The following ADGRL2 variants were observed in gnomAD, a reference collection of about 807,000 sequenced individuals.
ADGRL2 encodes the protein adhesion G protein-coupled receptor L2.
In ADGRL2, 44 loss-of-function variants were observed where a neutral mutation model predicts 157.4. The observed-to-expected ratio is 0.28, with a 90% CI of 0.22 to 0.36. The LOEUF is 0.36. Ranked by LOEUF, ADGRL2 falls within the 10% of genes least tolerant of loss-of-function variation. ADGRL2 has a pLI of 1.00. For synonymous variants in ADGRL2, 585 were observed against 624.7 expected, an observed-to-expected ratio of 0.94 and a Z score of 0.95; for missense variants, 1,510 against 1,768.9, an observed-to-expected ratio of 0.85 and a Z score of 2.63.
At chr1:81,847,796 T>G (rs910326012) in intron 2 of ADGRL2, among the ~76,000 whole-genome samples, 2 of 151,932 alleles carry the variant, frequency 1.3e-5, no homozygotes, top group African/African-American at 4.8e-5. Context: ...GTTTTATTAT[T>G]TAAAGTAACA....
At chr1:81,772,481 C>A (rs571499994) in intron 2 of ADGRL2, among the ~76,000 whole-genome samples, 1 of 152,024 alleles carries the variant, frequency 6.6e-6, no homozygotes, top group Non-Finnish European at 1.5e-5. Flanking sequence ...GTAATCCCAG[C>A]ACTGTGGGAG....
Position 81,993,349 on chromosome 1 carries a change from TA to T in ADGRL2, c.*2208del, listed in dbSNP as rs1664933440. Among the ~76,000 whole-genome samples, 1 of 151,842 alleles carries T rather than the reference TA, an allele frequency of 6.6e-6. No homozygotes were observed. Among genetic ancestry groups the T allele is most frequent in the Non-Finnish European group, 1.5e-5 (1 of 67,970 alleles). On this transcript the variant is annotated 3_prime_UTR_variant, in exon 24 of 24. Coordinates refer to ENST00000686636, the MANE Select transcript of ADGRL2 (RefSeq NM_001366006.2). Reference sequence around the variant, plus strand: ...TGTTATACTTTTTATTTTAAATGCCTAAAACCATACAGTATTGTGTGATGTG... The same window carrying T: ...TGTTATACTTTTTATTTTAAATGCCTAAACCATACAGTATTGTGTGATGTG...
At chr1:81,352,807 G>C (rs1209337765) in intron 1 of ADGRL2, among the ~76,000 whole-genome samples, 1 of 152,114 alleles carries the variant, frequency 6.6e-6, no homozygotes, top group Non-Finnish European at 1.5e-5. Context: ...AGTAGCAATG[G>C]AATCAAAGGG....
chr1:81,912,005 G>A (rs1348204767), intron 3 of ADGRL2, among the ~76,000 whole-genome samples: 2 of 151,558 alleles, frequency 1.3e-5, no homozygotes, highest in African/African-American at 2.4e-5. Context: ...CTTAAGCACA[G>A]TTAAAGGTAG....
intron 2 of ADGRL2, among the ~76,000 whole-genome samples, chr1:81,497,358 AT>A: frequency 6.6e-6 from 1 of 152,068 alleles, no homozygotes; most frequent in Admixed American, 6.5e-5. Context: ...ACTTCTTAAT[AT>A]GAAGACTAAT....
chr1:81,687,186 T>C (rs1031674483), intron 3 of ADGRL2, among the ~76,000 whole-genome samples: 1 of 152,198 alleles, frequency 6.6e-6, no homozygotes, highest in Non-Finnish European at 1.5e-5. Flanking sequence ...ATCCATTGTT[T>C]GTTGACTTTC....
At chr1:81,641,621 C>T (rs2082220496) in intron 3 of ADGRL2, among the ~76,000 whole-genome samples, 1 of 152,106 alleles carries the variant, frequency 6.6e-6, no homozygotes, top group Admixed American at 6.5e-5. Flanking sequence ...TTTAAAAATA[C>T]TTGAAACTAA....
At chr1:81,622,695 C>T (rs541447364) in intron 3 of ADGRL2, among the ~76,000 whole-genome samples, 1 of 152,254 alleles carries the variant, frequency 6.6e-6, no homozygotes, top group East Asian at 1.9e-4. Context: ...TTTGAGGTTA[C>T]AGTGAGCTAT....
At chr1:81,409,341 T>C (rs1459657250) in intron 1 of ADGRL2, among the ~76,000 whole-genome samples, 1 of 152,220 alleles carries the variant, frequency 6.6e-6, no homozygotes, top group African/African-American at 2.4e-5. Flanking sequence ...GTTGAATAAA[T>C]GGTTTTAAAC....
At chr1:81,815,517 G>T (rs1364684045) in intron 1 of ADGRL2, among the ~76,000 whole-genome samples, 1 of 151,734 alleles carries the variant, frequency 6.6e-6, no homozygotes, top group Non-Finnish European at 1.5e-5. Flanking sequence ...AGGTATTCAA[G>T]AATACATTCC....
chr1:81,708,538 A>G (rs1325668697), intron 1 of ADGRL2, among the ~76,000 whole-genome samples: 3 of 152,120 alleles, frequency 2.0e-5, no homozygotes, highest in Non-Finnish European at 4.4e-5. Context: ...ACATATAATG[A>G]TGTAGGCATA....
intron 1 of ADGRL2, among the ~76,000 whole-genome samples, chr1:81,833,761 T>C (rs1032953334): frequency 2.0e-5 from 3 of 152,212 alleles, no homozygotes; most frequent in Non-Finnish European, 4.4e-5. Context: ...CAGCTGACTG[T>C]ACATTGCACG....
chr1:81,690,314 G>A (rs908730479), intron 3 of ADGRL2, among the ~76,000 whole-genome samples: 2 of 152,202 alleles, frequency 1.3e-5, no homozygotes, highest in East Asian at 1.9e-4. Flanking sequence ...CCAACATGGC[G>A]AAACCCCATC....
At chr1:81,955,785 G>C (rs928199308) in intron 10 of ADGRL2, 92 bp from the exon 11 acceptor site, 1 of 741,326 alleles carries the variant, frequency 1.3e-6, no homozygotes, top group Non-Finnish European at 2.2e-6. Context: ...CATCATGACA[G>C]ATAAATATTA....
intron 2 of ADGRL2, among the ~76,000 whole-genome samples, chr1:81,494,829 G>A (rs1483798962): frequency 6.6e-6 from 1 of 152,072 alleles, no homozygotes; most frequent in African/African-American, 2.4e-5. Context: ...TAATAAAGAA[G>A]TATTCAGAGC....
intron 1 of ADGRL2, chr1:81,427,584 A>G (rs1570938933): frequency 8.2e-6 from 6 of 732,080 alleles, no homozygotes; most frequent in East Asian, 5.0e-5. Context: ...GGTGATGGAC[A>G]TGGTGGATAT....
intron 2 of ADGRL2, among the ~76,000 whole-genome samples, chr1:81,549,992 T>C (rs1362069315): frequency 6.6e-6 from 1 of 152,166 alleles, no homozygotes; most frequent in South Asian, 2.1e-4. Context: ...ATTTGATAAA[T>C]GAGCCCTTGA....
chr1:81,378,567 A>T (rs953146056), intron 1 of ADGRL2, among the ~76,000 whole-genome samples: 2 of 25,928 alleles, frequency 7.7e-5, no homozygotes, highest in Admixed American at 9.6e-4. Context: ...CTTGTATCTT[A>T]AAAAAAAAAA....
At chr1:81,600,738 A>G (rs1426107237) in intron 3 of ADGRL2, among the ~76,000 whole-genome samples, 1 of 152,264 alleles carries the variant, frequency 6.6e-6, no homozygotes, top group Non-Finnish European at 1.5e-5. Flanking sequence ...GTTTGTTTAA[A>G]AACATGACAT....
Sources: allele counts gnomAD v4.1 joint callset (sites outside exome capture counted in the v4.1 genomes callset), GRCh38; gene constraint gnomAD v4.1.1; transcripts MANE v1.5; gene names NCBI Gene and HGNC (gene_info 2026-07-23, HGNC 2026-07-21).